Variants in DTNBP1 observed in about 807,000 individuals in gnomAD.
DTNBP1 encodes dystrobrevin binding protein 1.
Under a neutral mutation model 42.8 loss-of-function variants are expected in DTNBP1, and 35 were observed. The ratio of observed to expected loss-of-function variants is 0.82; its 90% confidence interval spans 0.63 to 1.09. The LOEUF is 1.09. Ranked by LOEUF, DTNBP1 falls within the 50% of genes least tolerant of loss-of-function variation. The pLI, the probability that DTNBP1 is intolerant of heterozygous loss-of-function variation, is 0.00. For missense variants in DTNBP1, 457 were observed against 424.2 expected, an observed-to-expected ratio of 1.08 and a Z score of -0.68; for synonymous variants, 171 against 162.2, an observed-to-expected ratio of 1.05 and a Z score of -0.41.
At chr6:15,566,097 G>A (rs1048948607) in intron 7 of DTNBP1, among the ~76,000 whole-genome samples, 4 of 151,852 alleles carry the variant, frequency 2.6e-5, no homozygotes, top group East Asian at 1.9e-4. Context: ...GGCGGATCAC[G>A]AGGTCAAGAG....
At chr6:15,629,855 G>C (rs1189473878) in intron 4 of DTNBP1, among the ~76,000 whole-genome samples, 2 of 152,024 alleles carry the variant, frequency 1.3e-5, no homozygotes, top group Admixed American at 6.6e-5. Flanking sequence ...CAACCTACTA[G>C]GGATTGTGCT....
intron 7 of DTNBP1, among the ~76,000 whole-genome samples, chr6:15,539,470 C>G (rs930738341): frequency 6.6e-6 from 1 of 152,216 alleles, no homozygotes; most frequent in Non-Finnish European, 1.5e-5. Context: ...GAAGCCAGTT[C>G]TGTGTGCGCT....
intron 4 of DTNBP1, among the ~76,000 whole-genome samples, chr6:15,634,650 G>A (rs1581418594): frequency 6.6e-6 from 1 of 152,072 alleles, no homozygotes; most frequent in African/African-American, 2.4e-5. Context: ...GGTTACCCTT[G>A]AAATTCTGCC....
At chr6:15,622,382 G>T (rs2743872) in intron 5 of DTNBP1, among the ~76,000 whole-genome samples, 19,227 of 151,922 alleles carry the variant, frequency 0.13, 1,537 homozygotes, top group African/African-American at 0.23. Context: ...AAAAATAAAG[G>T]TTCATCCCCT....
At chr6:15,608,744 T>C (rs907415069) in intron 6 of DTNBP1, among the ~76,000 whole-genome samples, 2 of 152,254 alleles carry the variant, frequency 1.3e-5, no homozygotes, top group Non-Finnish European at 2.9e-5. Context: ...GCCCAGTAAA[T>C]ATTCTTAGTA....
At chr6:15,615,538 A>G in intron 5 of DTNBP1, 139 bp from the exon 6 acceptor site, 2 of 1,126,832 alleles carry the variant, frequency 1.8e-6, no homozygotes, top group Non-Finnish European at 2.6e-6. Flanking sequence ...ACTTTCTTGA[A>G]GCAAAATAAA....
At chr6:15,604,136 G>A (rs1246289716) in intron 6 of DTNBP1, among the ~76,000 whole-genome samples, 2 of 152,152 alleles carry the variant, frequency 1.3e-5, no homozygotes, top group African/African-American at 4.8e-5. Flanking sequence ...TATCTATCGG[G>A]TACCATCACA....
intron 7 of DTNBP1, chr6:15,545,993 G>A (rs1323499696): frequency 2.2e-6 from 1 of 447,026 alleles, no homozygotes; most frequent in African/African-American, 2.1e-5. Flanking sequence ...ATGCACCCTG[G>A]AGGCCTCAGA....
At position 15,522,836 on chromosome 6, in the gene DTNBP1, GTTCTTTAAGT is replaced by G. The variant is rs1463323153; in HGVS notation, c.*129_*138del. The G allele has an allele frequency of 4.1e-6, 6 of 1,455,442 alleles. No individual in the cohort carries two copies. The highest frequency in any genetic ancestry group is 5.7e-6 in the Non-Finnish European group (6 of 1,050,934). 90.2% of individuals were successfully genotyped at this position (1,455,442 alleles called of 1,614,324 possible). On this transcript the variant is annotated 3_prime_UTR_variant, in exon 10 of 10. Transcript: ENST00000344537. ...CCGTCCTCACACTTTATTGTTAGCTGTTCTTTAAGTTTCTCACACATTATTGGCAATTATG... is the reference window on the plus strand; with the variant it reads ...CCGTCCTCACACTTTATTGTTAGCTGTTCTCACACATTATTGGCAATTATG...
chr6:15,635,773 C>G lies in DTNBP1; in HGVS notation c.222+1971G>C, dbSNP rs564661710. Among the ~76,000 whole-genome samples the G allele has an allele frequency of 3.3e-5, 5 of 152,178 alleles. No homozygotes were observed. In the South Asian group the frequency reaches 1.0e-3, roughly 32 times the overall value. On this transcript the variant is annotated intron_variant, in intron 4 of 9. Transcript: ENST00000344537. The stretch of plus-strand genomic sequence containing the variant: ...TGTACTCTTTGACTCTCTCTTGTAC[C>G]TCACTATTTCTTCAGCTGCCTCAAA...
intron 7 of DTNBP1, among the ~76,000 whole-genome samples, chr6:15,571,107 G>A (rs1182908601): frequency 6.6e-6 from 1 of 152,172 alleles, no homozygotes; most frequent in Non-Finnish European, 1.5e-5. Flanking sequence ...CATGGCATAT[G>A]GAATCAGCTT....
chr6:15,629,602 AT>A (rs1759569630), intron 4 of DTNBP1, among the ~76,000 whole-genome samples: 1 of 152,184 alleles, frequency 6.6e-6, no homozygotes, highest in African/African-American at 2.4e-5. Flanking sequence ...ATCAATAATT[AT>A]CAACAATTAT....
intron 8 of DTNBP1, 41 bp from the exon 9 acceptor site, chr6:15,524,710 A>T: frequency 6.2e-7 from 1 of 1,605,028 alleles, no homozygotes; most frequent in East Asian, 2.2e-5. Flanking sequence ...GCTGTCTTTA[A>T]TATTACTTTA....
Position 15,637,798 on chromosome 6 carries a change from C to T in DTNBP1, c.168G>A (p.Glu56=), listed in dbSNP as rs865932073. 2.5e-6 allele frequency: 4 copies of T among 1,612,992 alleles called. No individual in the cohort carries two copies. The highest frequency in any genetic ancestry group is 1.1e-5 in the South Asian group (1 of 91,084). ...TTCTGTGAAGTGCAGCCCATGTATC[C>T]TCATACCTAAAAAAAAGCAAAAAAT... is the stretch of plus-strand genomic sequence containing the variant. ...SAGLELLSRY[E]DTWAALHRRA... Residue 56 remains glutamate (E), a synonymous_variant, in exon 4 of 10, where the codon GAG becomes GAA. Transcript: ENST00000344537.
chr6:15,627,599 T>C, intron 4 of DTNBP1, 124 bp from the exon 5 acceptor site: 2 of 1,371,626 alleles, frequency 1.5e-6, no homozygotes, highest in South Asian at 2.7e-5. Flanking sequence ...TTACGGTACA[T>C]TCTAAAAGAG....
chr6:15,593,666 A>C (rs1179731110), intron 6 of DTNBP1, among the ~76,000 whole-genome samples: 1 of 152,218 alleles, frequency 6.6e-6, no homozygotes, highest in East Asian at 1.9e-4. Flanking sequence ...CAAAACACAA[A>C]GTTTCCTGGG....
rs759665568 is a variant in DTNBP1 at position 15,533,405 on chromosome 6, C to G, written c.512-10G>C. On this transcript the variant is annotated splice_polypyrimidine_tract_variant and intron_variant, in intron 7 of 9. Transcript: ENST00000344537. ...TCTGCATCTAGTTCAGCTGAGGAAA[C>G]AGAATAACTGGGGTTAGGGTTTGAA... The G allele has an allele frequency of 6.2e-7, 1 of 1,614,188 alleles. No individual in the cohort carries two copies. Among genetic ancestry groups the G allele is most frequent in the Non-Finnish European group, 8.5e-7 (1 of 1,180,032 alleles).
Position 15,532,228 on chromosome 6 carries a change from G to A in DTNBP1, c.667+1012C>T, listed in dbSNP as rs551082211. Among the ~76,000 whole-genome samples the A allele has an allele frequency of 3.3e-4, 50 of 152,342 alleles. 1 individual carries two copies. In the South Asian group the frequency reaches 3.3e-3, roughly 10 times the overall value. On this transcript the variant is annotated intron_variant, in intron 8 of 9. Coordinates refer to ENST00000344537, the MANE Select transcript of DTNBP1 (RefSeq NM_032122.5). ...GCAGGCTGGAGGGAAAATGTAAGCT[G>A]CCCAGTGCCGCTGCCCTGCCCACCC...
chr6:15,601,876 AAG>A (rs1491114811), intron 6 of DTNBP1, among the ~76,000 whole-genome samples: 10 of 151,640 alleles, frequency 6.6e-5, no homozygotes, highest in Non-Finnish European at 2.9e-5. Flanking sequence ...AAAAAAAAAA[AAG>A]GGTCCTAAAC....
Sources: allele counts gnomAD v4.1 joint callset (sites outside exome capture counted in the v4.1 genomes callset), GRCh38; gene constraint gnomAD v4.1.1; transcripts MANE v1.5; gene names NCBI Gene and HGNC (gene_info 2026-07-23, HGNC 2026-07-21).